The following ZSCAN5A variants were observed in gnomAD, a reference collection of about 807,000 sequenced individuals.
ZSCAN5A encodes the protein zinc finger and SCAN domain-containing protein 5A.
ZSCAN5A carries 12 observed loss-of-function variants against 23.7 expected under a neutral mutation model. The ratio of observed to expected loss-of-function variants is 0.51; its 90% CI spans 0.32 to 0.82. The LOEUF (loss-of-function observed/expected upper bound fraction) is 0.82, where lower values mean the gene tolerates loss of function less well. Among genes scored for constraint, ZSCAN5A ranks in the 40% least tolerant of loss-of-function variants. ZSCAN5A has a pLI of 0.03. For missense variants in ZSCAN5A, 597 were observed against 617.9 expected, an observed-to-expected ratio of 0.97 and a Z score of 0.36; for synonymous variants, 257 against 239.9, an observed-to-expected ratio of 1.07 and a Z score of -0.66.
Position 56,221,820 on chromosome 19 carries a change from C to T in ZSCAN5A, c.1246G>A (p.Val416Ile), listed in dbSNP as rs151298410. 288 of 1,613,884 alleles carry T rather than the reference C, an allele frequency of 1.8e-4. 1 individual carries two copies. The highest frequency in any genetic ancestry group is 2.5e-4 in the Admixed American group (15 of 59,986). The change falls in exon 6 of 6, where the codon GTC (valine) becomes ATC (isoleucine). Residue 416 changes from valine (V) to isoleucine (I), a missense_variant. Val to Ile is a conservative substitution (Grantham distance 29). Transcript: ENST00000683990. ...TTCTGGGTGAACTGCTTCTGGCAGA[C>T]GTCACACGTGTAGGGCCTCTCGCCA... ...HTGERPYTCD[V>I]CQKQFTQKSY...
At chr19:56,247,403 C>A in intron 2 of ZSCAN5A, 2 of 188,710 alleles carry the variant, frequency 1.1e-5, no homozygotes, top group South Asian at 1.1e-4. Flanking sequence ...TATAAATGTC[C>A]CAAGTGTCTA....
At chr19:56,284,142 G>C (rs1192038174) in intron 2 of ZSCAN5A, 1 of 985,204 alleles carries the variant, frequency 1.0e-6, no homozygotes, top group Non-Finnish European at 1.2e-6. Flanking sequence ...CAACATTCTG[G>C]ACCACGCATG....
At chr19:56,354,419 T>C (rs1192374528) in intron 2 of ZSCAN5A, 2 of 152,198 alleles carry the variant, frequency 1.3e-5, no homozygotes, top group African/African-American at 4.8e-5. Flanking sequence ...ATCAGTTGAA[T>C]GCACTTAAGA....
At chr19:56,281,320 T>C (rs2038683087) in intron 2 of ZSCAN5A, among the ~76,000 whole-genome samples, 1 of 151,748 alleles carries the variant, frequency 6.6e-6, no homozygotes, top group South Asian at 2.1e-4. Flanking sequence ...TGTAACCATG[T>C]AGTTCAAACC....
intron 2 of ZSCAN5A, among the ~76,000 whole-genome samples, chr19:56,252,478 C>T (rs1414653678): frequency 6.6e-6 from 1 of 152,132 alleles, no homozygotes; most frequent in Non-Finnish European, 1.5e-5. Flanking sequence ...CCAAGCTGGT[C>T]TGAATGTGGC....
At chr19:56,321,445 T>C (rs2041374773) in intron 2 of ZSCAN5A, 9 of 677,896 alleles carry the variant, frequency 1.3e-5, no homozygotes, top group East Asian at 2.5e-5. Flanking sequence ...TCCAACGGCA[T>C]TGATAACACA....
rs1286868075 is a variant in ZSCAN5A, at chr19:56,221,305, C to T, written c.*270G>A. ...TCAGGAAACTCAGTTTTCCGTTATACAATATTGAAAACTAATAAGATGATC... is the reference window on the plus strand; with the variant it reads ...TCAGGAAACTCAGTTTTCCGTTATATAATATTGAAAACTAATAAGATGATC... On this transcript the variant is annotated 3_prime_UTR_variant, in exon 6 of 6. Transcript: ENST00000683990. The T allele has an allele frequency of 2.9e-6, 1 of 340,578 alleles. No homozygotes were observed. Among genetic ancestry groups the T allele is most frequent in the Non-Finnish European group, 5.3e-6 (1 of 189,830 alleles). 21.1% of individuals were successfully genotyped at this position (340,578 alleles called of 1,614,324 possible).
chr19:56,222,325 T>G lies in ZSCAN5A; in HGVS notation c.741A>C (p.Thr247=). Residue 247 remains threonine, a splice_region_variant and synonymous_variant, in exon 6 of 6, where the codon ACA becomes ACC. Transcript: ENST00000683990. ...TCCCCTCCTTTGCTCTCACCAGATC[T>G]GCTGGAAGAAGGGATTCCACACACA... The part of the protein sequence containing the change: ...SPEPQLPKSP[T]DLVRAKEGKD... 6.2e-7 allele frequency: 1 copy of G among 1,610,176 alleles called. No homozygotes were observed. Among genetic ancestry groups the G allele is most frequent in the Non-Finnish European group, 8.5e-7 (1 of 1,179,390 alleles).
At chr19:56,313,597 T>A (rs1486355781) in intron 1 of ZSCAN5A, among the ~76,000 whole-genome samples, 2 of 152,246 alleles carry the variant, frequency 1.3e-5, no homozygotes, top group Non-Finnish European at 2.9e-5. Context: ...TGTATTTTAT[T>A]TTGGTGGAAC....
intron 2 of ZSCAN5A, among the ~76,000 whole-genome samples, chr19:56,293,229 C>G (rs1420799301): frequency 3.9e-5 from 6 of 152,308 alleles, no homozygotes; most frequent in Non-Finnish European, 7.3e-5. Flanking sequence ...TGACTCATGA[C>G]AGTCCCCAAG....
intron 2 of ZSCAN5A, among the ~76,000 whole-genome samples, chr19:56,281,535 C>T (rs529051158): frequency 8.5e-5 from 13 of 152,186 alleles, no homozygotes; most frequent in African/African-American, 2.9e-4. Context: ...ATATAAAGAT[C>T]GCACTCCATA....
At chr19:56,289,449 G>GT (rs2039365913) in intron 2 of ZSCAN5A, among the ~76,000 whole-genome samples, 1 of 152,130 alleles carries the variant, frequency 6.6e-6, no homozygotes, top group Admixed American at 6.5e-5. Flanking sequence ...GAAGACAGAC[G>GT]TATTTATACT....
At chr19:56,349,802 C>T (rs755507199) in intron 2 of ZSCAN5A, among the ~76,000 whole-genome samples, 1 of 151,610 alleles carries the variant, frequency 6.6e-6, no homozygotes, top group Non-Finnish European at 1.5e-5. Flanking sequence ...TACTCAGTCC[C>T]ACTCCTACCT....
intron 2 of ZSCAN5A, among the ~76,000 whole-genome samples, chr19:56,340,326 G>C (rs1205144877): frequency 6.6e-6 from 1 of 152,158 alleles, no homozygotes; most frequent in Non-Finnish European, 1.5e-5. Flanking sequence ...AGTAGCAGTG[G>C]AGCCAGCAGG....
intron 2 of ZSCAN5A, among the ~76,000 whole-genome samples, chr19:56,285,818 C>T (rs540911389): frequency 6.6e-6 from 1 of 152,162 alleles, no homozygotes; most frequent in East Asian, 1.9e-4. Context: ...TTATAAACAG[C>T]GCTATAATGG....
At chr19:56,341,168 G>A (rs929690028) in intron 2 of ZSCAN5A, 39 of 152,162 alleles carry the variant, frequency 2.6e-4, no homozygotes, top group African/African-American at 8.9e-4. Flanking sequence ...ATCAGAGATT[G>A]AAGATCAACT....
chr19:56,231,674 T>C (rs769063542), intron 2 of ZSCAN5A, among the ~76,000 whole-genome samples: 38 of 152,386 alleles, frequency 2.5e-4, no homozygotes, highest in South Asian at 6.2e-4. Context: ...AATGTGTTTA[T>C]TGACATGAAT....
At chr19:56,236,481 T>C (rs374319423) in intron 2 of ZSCAN5A, among the ~76,000 whole-genome samples, 1,274 of 27,334 alleles carry the variant, frequency 0.047, 6 homozygotes, top group Middle Eastern at 0.12. Flanking sequence ...CAAGCCTCCA[T>C]TCCAGCCTCT....
In ZSCAN5A at chr19:56,225,175, T is replaced by TG. The variant is rs79216979; in HGVS notation, c.-127-3dup. The TG allele has an allele frequency of 1.5e-3, 2,044 of 1,379,160 alleles. 29 individuals carry two copies. In the African/African-American group the frequency reaches 0.031, roughly 21 times the overall value. The allele number at this position is 1,379,160 out of a possible 1,614,324, so 85.4% of individuals were successfully genotyped here. A position where few individuals can be genotyped will look rare whatever the true frequency, so the allele number is the denominator to read the frequency against. ...TAGATTCACTGTTCATTCAGAAGTC[T>TG]GGGGGGGAAAAGTATGAGCCTCATT... On this transcript the variant is annotated splice_polypyrimidine_tract_variant and splice_region_variant and intron_variant, in intron 2 of 5. Coordinates refer to ENST00000683990, the MANE Select transcript of ZSCAN5A (RefSeq NM_001322064.3).
Sources: gnomAD v4.1 joint callset for allele counts (sites outside exome capture counted in the v4.1 genomes callset) on GRCh38, gnomAD v4.1.1 for gene constraint, MANE v1.5 for transcripts, NCBI Gene and HGNC (gene_info 2026-07-23, HGNC 2026-07-21) for gene names.